The following COL5A2 variants were observed in gnomAD, a reference collection of about 807,000 sequenced individuals.
COL5A2 encodes collagen type V alpha 2 chain.
COL5A2 carries 23 observed loss-of-function variants against 208.2 expected under a neutral mutation model. The observed-to-expected ratio is 0.11, with a 90% CI of 0.08 to 0.16. The LOEUF is 0.16. COL5A2 is among the 10% of genes least tolerant of loss of function. The probability of loss-of-function intolerance (pLI) is 1.00; values close to 1 mark genes in which losing one functional copy is unlikely to be tolerated. For synonymous variants in COL5A2, 625 were observed against 628.5 expected, an observed-to-expected ratio of 0.99 and a Z score of 0.08; for missense variants, 1,590 against 1,956.4, an observed-to-expected ratio of 0.81 and a Z score of 3.53.
chr2:189,325,725 GAACTC>G, the COL5A2 span, among the ~76,000 whole-genome samples: 1 of 152,104 alleles, frequency 6.6e-6, no homozygotes, highest in Admixed American at 6.6e-5. Flanking sequence ...AGTTTCCAAA[GAACTC>G]AATTCAGAAA....
chr2:189,411,111 A>T, the COL5A2 span, among the ~76,000 whole-genome samples: 1 of 152,080 alleles, frequency 6.6e-6, no homozygotes, highest in Non-Finnish European at 1.5e-5. Context: ...CCTGGAAAAT[A>T]CCTTCCATTT....
chr2:189,246,572 C>A, the COL5A2 span, among the ~76,000 whole-genome samples: 1 of 152,194 alleles, frequency 6.6e-6, no homozygotes, highest in South Asian at 2.1e-4. Context: ...CCCAGTAGCA[C>A]TTAGCTACAT....
the COL5A2 span, among the ~76,000 whole-genome samples, chr2:189,278,611 G>A: frequency 4.6e-5 from 7 of 151,962 alleles, no homozygotes; most frequent in African/African-American, 2.4e-5. Flanking sequence ...GGCACACTCC[G>A]AGCTTTCAAC....
chr2:189,197,304 A>C (rs1352836897), intron 1 of COL5A2, among the ~76,000 whole-genome samples: 1 of 152,118 alleles, frequency 6.6e-6, no homozygotes, highest in East Asian at 1.9e-4. Flanking sequence ...GCGATGGGAG[A>C]GAGAGCATTA....
At chr2:189,208,629 A>G (rs1689171498) in intron 1 of COL5A2, among the ~76,000 whole-genome samples, 1 of 152,192 alleles carries the variant, frequency 6.6e-6, no homozygotes, top group African/African-American at 2.4e-5. Context: ...GAGCTGAAAA[A>G]TTCTATTTTG....
chr2:189,431,562 T>C, the COL5A2 span, among the ~76,000 whole-genome samples: 11 of 152,078 alleles, frequency 7.2e-5, no homozygotes, highest in Non-Finnish European at 1.5e-4. Context: ...CAAGCTTCAA[T>C]AGCTGATTCA....
At chr2:189,092,199 C>T (rs1453601958) in intron 7 of COL5A2, 111 bp downstream of exon 7, 1 of 760,944 alleles carries the variant, frequency 1.3e-6, no homozygotes, top group Non-Finnish European at 2.3e-6. Context: ...TATTTAACTG[C>T]TCTTACAGTC....
At position 189,062,851 on chromosome 2, in the gene COL5A2, C is replaced by A. The variant is rs78922860; in HGVS notation, c.1977+14G>T. The A allele has an allele frequency of 3.7e-6, 6 of 1,613,988 alleles. No individual in the cohort carries two copies. The highest frequency in any genetic ancestry group is 3.3e-5 in the South Asian group (3 of 91,072). Reference sequence around the variant, plus strand: ...ATATATATTCTCACACACACACACACAAAAATCACATACCGGCGGGCCCAC... The same window carrying A: ...ATATATATTCTCACACACACACACAAAAAAATCACATACCGGCGGGCCCAC... On this transcript the variant is annotated intron_variant, in intron 29 of 53. Transcript: ENST00000374866.
At chr2:189,422,376 A>T in the COL5A2 span, among the ~76,000 whole-genome samples, 1 of 152,192 alleles carries the variant, frequency 6.6e-6, no homozygotes, top group Non-Finnish European at 1.5e-5. Flanking sequence ...AACTAAAAAA[A>T]TGCAATGAAC....
At chr2:189,132,578 A>C (rs1333363585) in intron 1 of COL5A2, among the ~76,000 whole-genome samples, 1 of 152,238 alleles carries the variant, frequency 6.6e-6, no homozygotes, top group East Asian at 1.9e-4. Flanking sequence ...ATAAGAAAAA[A>C]AGATGCATTC....
chr2:189,174,036 C>T (rs1688630439), intron 1 of COL5A2, among the ~76,000 whole-genome samples: 1 of 152,182 alleles, frequency 6.6e-6, no homozygotes, highest in African/African-American at 2.4e-5. Context: ...GGTGATGATG[C>T]ATTAATCATT....
the COL5A2 span, among the ~76,000 whole-genome samples, chr2:189,359,363 G>A: frequency 6.6e-6 from 1 of 152,060 alleles, no homozygotes; most frequent in Non-Finnish European, 1.5e-5. Flanking sequence ...CCGTTAGTAT[G>A]GTGTATCACA....
the COL5A2 span, among the ~76,000 whole-genome samples, chr2:189,331,810 C>T: frequency 2.3e-4 from 35 of 152,006 alleles, no homozygotes; most frequent in Admixed American, 7.2e-4. Context: ...ATTAGCCGGG[C>T]GTGGTGACGG....
the COL5A2 span, among the ~76,000 whole-genome samples, chr2:189,244,451 C>T: frequency 6.6e-6 from 1 of 152,186 alleles, no homozygotes; most frequent in Non-Finnish European, 1.5e-5. Context: ...TTTGCTAAAA[C>T]ATAACAAGAG....
intron 1 of COL5A2, among the ~76,000 whole-genome samples, chr2:189,137,570 T>C (rs12618316): frequency 0.77 from 117,473 of 152,186 alleles, 48,754 homozygotes; most frequent in Non-Finnish European, 0.91. Context: ...AAAATGCTTT[T>C]TCTTATCTTA....
chr2:189,371,132 T>C, the COL5A2 span, among the ~76,000 whole-genome samples: 2 of 152,120 alleles, frequency 1.3e-5, no homozygotes, highest in Non-Finnish European at 2.9e-5. Flanking sequence ...CTATGAGATG[T>C]GCCTGCTCCC....
chr2:189,242,358 A>T, the COL5A2 span, among the ~76,000 whole-genome samples: 1 of 152,236 alleles, frequency 6.6e-6, no homozygotes, highest in Admixed American at 6.5e-5. Context: ...TTTATAGATA[A>T]GGATATCAAA....
chr2:189,348,011 C>A, the COL5A2 span, among the ~76,000 whole-genome samples: 1 of 151,926 alleles, frequency 6.6e-6, no homozygotes, highest in South Asian at 2.1e-4. Context: ...TCAGTAGATT[C>A]CAACCCAAAA....
the COL5A2 span, among the ~76,000 whole-genome samples, chr2:189,371,709 T>C: frequency 6.6e-6 from 1 of 152,202 alleles, no homozygotes; most frequent in Non-Finnish European, 1.5e-5. Context: ...GCCTAGCTGC[T>C]TCTAATAGCC....
Sources: allele counts gnomAD v4.1 joint callset (sites outside exome capture counted in the v4.1 genomes callset), GRCh38; gene constraint gnomAD v4.1.1; transcripts MANE v1.5; gene names NCBI Gene and HGNC (gene_info 2026-07-23, HGNC 2026-07-21).